The following PRKCQ variants were observed in gnomAD, a reference collection of about 807,000 sequenced individuals.
PRKCQ encodes the protein protein kinase C theta, also known as protein kinase C theta type.
A neutral mutation model predicts 91.2 loss-of-function variants in PRKCQ; 41 were observed. The ratio of observed to expected loss-of-function variants is 0.45; its 90% confidence interval spans 0.35 to 0.58. The LOEUF is 0.58. PRKCQ is among the 20% of genes least tolerant of loss of function. PRKCQ has a pLI of 0.00. For synonymous variants in PRKCQ, 307 were observed against 316.9 expected (o/e 0.97, Z 0.33); for missense variants, 673 against 896.5 (o/e 0.75, Z 3.18).
intron 15 of PRKCQ, among the ~76,000 whole-genome samples, chr10:6,448,212 T>C (rs1281422405): frequency 6.6e-6 from 1 of 152,126 alleles, no homozygotes; most frequent in Non-Finnish European, 1.5e-5. Context: ...GGATAAGCCA[T>C]GGTCCCTGAT....
intron 1 of PRKCQ, among the ~76,000 whole-genome samples, chr10:6,553,204 C>T (rs1840256106): frequency 6.6e-6 from 1 of 152,174 alleles, no homozygotes; most frequent in African/African-American, 2.4e-5. Context: ...TAATGATCTC[C>T]TGGACCACAC....
At chr10:6,445,358 A>G (rs10906594) in intron 15 of PRKCQ, among the ~76,000 whole-genome samples, 1,728 of 152,208 alleles carry the variant, frequency 0.011, 17 homozygotes, top group Non-Finnish European at 0.016. Flanking sequence ...ACAGAAGAAC[A>G]ATATCAACAG....
intron 11 of PRKCQ, among the ~76,000 whole-genome samples, chr10:6,481,759 C>A (rs1238647465): frequency 6.6e-6 from 1 of 152,170 alleles, no homozygotes; most frequent in Non-Finnish European, 1.5e-5. Flanking sequence ...CTGCCTTTGG[C>A]TGCACAGATT....
intron 3 of PRKCQ, among the ~76,000 whole-genome samples, chr10:6,509,510 G>C (rs1186356460): frequency 1.3e-5 from 2 of 152,210 alleles, no homozygotes; most frequent in Non-Finnish European, 1.5e-5. Context: ...CCAGGTTCAA[G>C]TGATTCTCCT....
chr10:6,438,610 G>T (rs879143643), intron 16 of PRKCQ, among the ~76,000 whole-genome samples: 1 of 150,292 alleles, frequency 6.7e-6, no homozygotes, highest in African/African-American at 2.4e-5. Flanking sequence ...TTTTTTTTGC[G>T]GGGGGGACAG....
At chr10:6,508,617 T>C (rs915586772) in intron 3 of PRKCQ, among the ~76,000 whole-genome samples, 1 of 152,262 alleles carries the variant, frequency 6.6e-6, no homozygotes, top group Non-Finnish European at 1.5e-5. Context: ...GCTTTTGACA[T>C]GGCATGTATG....
intron 1 of PRKCQ, among the ~76,000 whole-genome samples, chr10:6,551,226 C>A (rs1478909313): frequency 6.6e-6 from 1 of 152,066 alleles, no homozygotes; most frequent in African/African-American, 2.4e-5. Flanking sequence ...CATAATTTAG[C>A]TCCCACTTAT....
chr10:6,516,447 T>C (rs1450799140), intron 1 of PRKCQ, among the ~76,000 whole-genome samples: 1 of 152,202 alleles, frequency 6.6e-6, no homozygotes, highest in Admixed American at 6.5e-5. Context: ...GGTAGATGAC[T>C]TACAAATTTG....
rs1033090945 is a variant in PRKCQ, at chr10:6,429,902, T to C, written c.1965+908A>G. Among the ~76,000 whole-genome samples, 5 of 140,642 alleles carry C rather than the reference T, an allele frequency of 3.6e-5. No individual in the cohort carries two copies. In the Admixed American group the frequency reaches 3.6e-4, roughly 10 times the overall value. The allele number at this position is 140,642 out of a possible 152,430, so 92.3% of individuals were successfully genotyped here. On this transcript the variant is annotated intron_variant, in intron 17 of 17. Transcript: ENST00000263125. Reference sequence around the variant, plus strand: ...GCACCACCAAGCCCACTTAATTTTGTAGAGATGGGGTTTCACTATGTTGCC... The same window carrying C: ...GCACCACCAAGCCCACTTAATTTTGCAGAGATGGGGTTTCACTATGTTGCC...
intron 15 of PRKCQ, among the ~76,000 whole-genome samples, chr10:6,452,426 T>C (rs1834745635): frequency 6.6e-6 from 1 of 151,984 alleles, no homozygotes; most frequent in South Asian, 2.1e-4. Flanking sequence ...TAAAAGAGGA[T>C]ACAAACCAAT....
At chr10:6,527,835 T>C (rs750349449) in intron 1 of PRKCQ, among the ~76,000 whole-genome samples, 1 of 152,150 alleles carries the variant, frequency 6.6e-6, no homozygotes, top group Non-Finnish European at 1.5e-5. Flanking sequence ...AAAACAAGCC[T>C]ATGCCGATTG....
chr10:6,553,521 ACAAACAAAAG>A (rs1840288758), intron 1 of PRKCQ, among the ~76,000 whole-genome samples: 1 of 146,042 alleles, frequency 6.8e-6, no homozygotes, highest in African/African-American at 2.8e-5. Context: ...AAAAAAACAA[ACAAACAAAAG>A]AAGAAGAAGA....
At chr10:6,554,675 A>G (rs1840338300) in intron 1 of PRKCQ, among the ~76,000 whole-genome samples, 2 of 152,356 alleles carry the variant, frequency 1.3e-5, no homozygotes, top group East Asian at 3.9e-4. Context: ...ATTTCTTTCA[A>G]TAAGTCTTTT....
chr10:6,511,278 C>A, intron 2 of PRKCQ, 84 bp from the exon 3 acceptor site: 1 of 1,265,878 alleles, frequency 7.9e-7, no homozygotes, highest in Non-Finnish European at 1.1e-6. Context: ...AGCACCTGCT[C>A]CCTCTGTTCT....
intron 8 of PRKCQ, among the ~76,000 whole-genome samples, chr10:6,487,469 G>A (rs1312702906): frequency 2.0e-5 from 3 of 152,126 alleles, no homozygotes; most frequent in Non-Finnish European, 2.9e-5. Context: ...GAACGCTCTG[G>A]GGGCTCCCGA....
the PRKCQ span, among the ~76,000 whole-genome samples, chr10:6,422,126 A>G: frequency 6.6e-6 from 1 of 152,190 alleles, no homozygotes; most frequent in African/African-American, 2.4e-5. Flanking sequence ...TATTTTTCCT[A>G]TGAAAGAGGT....
the PRKCQ span, among the ~76,000 whole-genome samples, chr10:6,413,821 G>A: frequency 8.6e-5 from 9 of 105,236 alleles, no homozygotes; most frequent in African/African-American, 1.7e-4. Flanking sequence ...CCACTTGTGC[G>A]CGTGCACACA....
intron 11 of PRKCQ, among the ~76,000 whole-genome samples, chr10:6,481,460 G>T (rs1195203741): frequency 6.6e-6 from 1 of 152,198 alleles, no homozygotes; most frequent in African/African-American, 2.4e-5. Context: ...TTACAATGAA[G>T]ACTGGCTGTA....
chr10:6,466,143 C>A (rs1414885463), intron 12 of PRKCQ, among the ~76,000 whole-genome samples: 2 of 151,822 alleles, frequency 1.3e-5, no homozygotes, highest in African/African-American at 4.8e-5. Flanking sequence ...CCATTTCCAA[C>A]AGTGCTTGAG....
Sources: gnomAD v4.1 joint callset for allele counts (sites outside exome capture counted in the v4.1 genomes callset) on GRCh38, gnomAD v4.1.1 for gene constraint, MANE v1.5 for transcripts, NCBI Gene and HGNC (gene_info 2026-07-23, HGNC 2026-07-21) for gene names.